The following MAN1A1 variants were observed in gnomAD, a reference collection of about 807,000 sequenced individuals.
MAN1A1 encodes the protein mannosyl-oligosaccharide 1,2-alpha-mannosidase IA.
MAN1A1 carries 29 observed loss-of-function variants against 70.8 expected under a neutral mutation model. The ratio of observed to expected loss-of-function variants is 0.41; its 90% CI spans 0.31 to 0.56. The LOEUF is 0.56. Among genes scored for constraint, MAN1A1 ranks in the 20% least tolerant of loss-of-function variants. The pLI is 0.29. For missense variants in MAN1A1, 747 were observed against 841.3 expected, an observed-to-expected ratio of 0.89 and a Z score of 1.39; for synonymous variants, 349 against 330.1, an observed-to-expected ratio of 1.06 and a Z score of -0.62.
rs534369882 is a variant in MAN1A1 at position 119,331,096 on chromosome 6, T to TA, written c.603+17366dup. On this transcript the variant is annotated intron_variant, in intron 2 of 12. Coordinates refer to ENST00000368468, the MANE Select transcript of MAN1A1 (RefSeq NM_005907.4). Reference sequence around the variant, plus strand: ...ATTTATTAAAGGAAAATATTAAAATTAAAAAAAAATTATTTGGGTTTGAAT... The same window carrying TA: ...ATTTATTAAAGGAAAATATTAAAATTAAAAAAAAAATTATTTGGGTTTGAAT... Among the ~76,000 whole-genome samples, 322 of 151,996 alleles carry TA rather than the reference T, an allele frequency of 2.1e-3. 2 individuals are homozygous for TA. The highest frequency in any genetic ancestry group is 1.7e-3 in the Non-Finnish European group (116 of 67,946).
chr6:119,308,584 T>C (rs1173813354), intron 2 of MAN1A1, among the ~76,000 whole-genome samples: 1 of 152,150 alleles, frequency 6.6e-6, no homozygotes, highest in Non-Finnish European at 1.5e-5. Flanking sequence ...TTTTTGCACC[T>C]TGCATACTGC....
At chr6:119,337,589 G>C (rs1582815599) in intron 2 of MAN1A1, among the ~76,000 whole-genome samples, 1 of 152,334 alleles carries the variant, frequency 6.6e-6, no homozygotes. Context: ...TAGAAATTCT[G>C]TATTCTTGGG....
intron 4 of MAN1A1, among the ~76,000 whole-genome samples, chr6:119,295,170 G>GC (rs919421593): frequency 5.9e-5 from 9 of 152,152 alleles, no homozygotes; most frequent in Non-Finnish European, 1.3e-4. Flanking sequence ...CCCCATCTAG[G>GC]CAACAGAGAA....
intron 6 of MAN1A1, among the ~76,000 whole-genome samples, chr6:119,232,356 G>C (rs907549944): frequency 8.6e-5 from 12 of 139,360 alleles, no homozygotes; most frequent in Non-Finnish European, 1.5e-4. Context: ...CTGGACGACA[G>C]AGCGAGACTC....
intron 2 of MAN1A1, among the ~76,000 whole-genome samples, chr6:119,324,353 C>T (rs951113175): frequency 1.3e-5 from 2 of 152,140 alleles, no homozygotes; most frequent in Admixed American, 6.5e-5. Flanking sequence ...TGTTAACTGA[C>T]TGCTTATGTT....
chr6:119,228,528 A>G (rs931003257), intron 6 of MAN1A1, among the ~76,000 whole-genome samples: 4 of 152,180 alleles, frequency 2.6e-5, no homozygotes, highest in African/African-American at 9.6e-5. Context: ...AGACCCTTGT[A>G]ATTCAGAAAA....
intron 5 of MAN1A1, among the ~76,000 whole-genome samples, chr6:119,277,003 T>C (rs902572510): frequency 2.0e-5 from 3 of 152,228 alleles, no homozygotes; most frequent in Admixed American, 2.0e-4. Flanking sequence ...TGGAATTTCC[T>C]TGTTTTTGAA....
At chr6:119,220,900 TA>T (rs913884356) in intron 6 of MAN1A1, among the ~76,000 whole-genome samples, 11 of 152,090 alleles carry the variant, frequency 7.2e-5, no homozygotes, top group Admixed American at 7.2e-4. Context: ...AACACGGCAT[TA>T]AAAAAACCCA....
At chr6:119,300,172 A>G (rs1772348855) in intron 4 of MAN1A1, among the ~76,000 whole-genome samples, 1 of 152,162 alleles carries the variant, frequency 6.6e-6, no homozygotes, top group Admixed American at 6.5e-5. Flanking sequence ...TTTCATACAT[A>G]GCTAAAGAAA....
At chr6:119,239,905 G>A (rs750132386) in intron 6 of MAN1A1, among the ~76,000 whole-genome samples, 11 of 152,152 alleles carry the variant, frequency 7.2e-5, no homozygotes, top group African/African-American at 2.4e-4. Flanking sequence ...AGGCTGATTC[G>A]CAACCAATTG....
chr6:119,243,363 TA>T (rs1267794919), intron 6 of MAN1A1, among the ~76,000 whole-genome samples: 1 of 152,042 alleles, frequency 6.6e-6, no homozygotes, highest in African/African-American at 2.4e-5. Context: ...CCAGGAACTT[TA>T]AAAAACTGTT....
At chr6:119,291,527 AT>A (rs57534741) in intron 4 of MAN1A1, among the ~76,000 whole-genome samples, 57,374 of 150,410 alleles carry the variant, frequency 0.38, 11,310 homozygotes, top group Non-Finnish European at 0.41. Flanking sequence ...GGGCCAGGGC[AT>A]TTTTTTTTTC....
chr6:119,319,212 A>G (rs2114473467), intron 2 of MAN1A1, among the ~76,000 whole-genome samples: 1 of 152,078 alleles, frequency 6.6e-6, no homozygotes, highest in Middle Eastern at 3.4e-3. Context: ...ACCACCCTAA[A>G]ATCATATTTT....
At chr6:119,323,378 T>C (rs1374036054) in intron 2 of MAN1A1, among the ~76,000 whole-genome samples, 1 of 152,236 alleles carries the variant, frequency 6.6e-6, no homozygotes, top group Non-Finnish European at 1.5e-5. Flanking sequence ...ATTTGTTAAA[T>C]ACCATGAGAC....
chr6:119,293,314 T>A (rs1230504355), intron 4 of MAN1A1, among the ~76,000 whole-genome samples: 1 of 152,074 alleles, frequency 6.6e-6, no homozygotes, highest in Non-Finnish European at 1.5e-5. Context: ...AATTACATAT[T>A]CTAAAACCTA....
At position 119,201,148 on chromosome 6, in the gene MAN1A1, C is replaced by T. The variant is rs529269742; in HGVS notation, c.1210+106G>A. ...ATTAAAGGAGCCATGCCCTTTTCTC[C>T]TTTTCTAAACATTTCTCAACAAAAT... On this transcript the variant is annotated intron_variant, in intron 8 of 12. Coordinates refer to ENST00000368468, the MANE Select transcript of MAN1A1 (RefSeq NM_005907.4). 156 of 821,588 alleles carry T rather than the reference C, an allele frequency of 1.9e-4. No individual in the cohort carries two copies. In the African/African-American group the frequency reaches 2.5e-3, roughly 13 times the overall value. The allele number at this position is 821,588 out of a possible 1,614,324, so 50.9% of individuals were successfully genotyped here.
chr6:119,204,716 A>T (rs776540220), intron 7 of MAN1A1, 43 bp downstream of exon 7: 27 of 1,609,658 alleles, frequency 1.7e-5, no homozygotes, highest in Non-Finnish European at 2.2e-5. Context: ...ACTGTTTCTC[A>T]TAAGTGTTGC....
intron 8 of MAN1A1, among the ~76,000 whole-genome samples, chr6:119,198,167 T>A (rs554526910): frequency 1.3e-5 from 2 of 152,336 alleles, no homozygotes; most frequent in African/African-American, 4.8e-5. Flanking sequence ...GGTGGGCGGA[T>A]CACCTGAGGT....
intron 5 of MAN1A1, among the ~76,000 whole-genome samples, chr6:119,279,990 C>T (rs1776186062): frequency 6.6e-6 from 1 of 152,218 alleles, no homozygotes; most frequent in Non-Finnish European, 1.5e-5. Context: ...CATCTGTTTT[C>T]AAAATAGTAT....
Sources: allele counts gnomAD v4.1 joint callset (sites outside exome capture counted in the v4.1 genomes callset), GRCh38; gene constraint gnomAD v4.1.1; transcripts MANE v1.5; gene names NCBI Gene and HGNC (gene_info 2026-07-23, HGNC 2026-07-21).